The following MAML2 variants were observed in gnomAD, a reference collection of about 807,000 sequenced individuals.
The protein encoded by MAML2 is mastermind-like protein 2.
MAML2 carries 22 observed loss-of-function variants against 96.1 expected under a neutral mutation model. The ratio of observed to expected loss-of-function variants is 0.23; its 90% confidence interval spans 0.16 to 0.33. MAML2 has a LOEUF of 0.33. MAML2 is among the 10% of genes least tolerant of loss of function. The probability of loss-of-function intolerance (pLI) is 1.00; values close to 1 mark genes in which losing one functional copy is unlikely to be tolerated. For synonymous variants in MAML2, 561 were observed against 521.3 expected, an observed-to-expected ratio of 1.08 and a Z score of -1.04; for missense variants, 1,367 against 1,392.4, an observed-to-expected ratio of 0.98 and a Z score of 0.29.
At chr11:96,281,648 G>A (rs979297050) in intron 1 of MAML2, among the ~76,000 whole-genome samples, 3 of 151,770 alleles carry the variant, frequency 2.0e-5, no homozygotes, top group African/African-American at 7.3e-5. Context: ...AAGTAGAGGG[G>A]ATCACCAGTT....
chr11:96,140,138 T>G (rs1419108017), intron 1 of MAML2, among the ~76,000 whole-genome samples: 1 of 152,226 alleles, frequency 6.6e-6, no homozygotes, highest in Non-Finnish European at 1.5e-5. Context: ...GCTTTTGTTT[T>G]GTTATTAGTG....
chr11:96,037,666 A>G (rs1445057408), intron 2 of MAML2, among the ~76,000 whole-genome samples: 1 of 152,204 alleles, frequency 6.6e-6, no homozygotes, highest in Admixed American at 6.5e-5. Flanking sequence ...AACCAAAAAC[A>G]CACAGGTTAG....
chr11:96,285,167 A>T (rs76774403), intron 1 of MAML2, among the ~76,000 whole-genome samples: 3,018 of 152,302 alleles, frequency 0.02, 39 homozygotes, highest in African/African-American at 0.021. Context: ...CTCTTAACAG[A>T]TATATGAAAC....
At chr11:96,130,347 A>G (rs940190201) in intron 1 of MAML2, among the ~76,000 whole-genome samples, 2 of 152,222 alleles carry the variant, frequency 1.3e-5, no homozygotes, top group Non-Finnish European at 2.9e-5. Context: ...CAAGAAGGAT[A>G]TGTGATACTT....
chr11:96,037,061 G>A (rs901640292), intron 2 of MAML2, among the ~76,000 whole-genome samples: 3 of 152,128 alleles, frequency 2.0e-5, no homozygotes, highest in Non-Finnish European at 4.4e-5. Context: ...GGGAGCCAAC[G>A]CACCTGGGCT....
At chr11:96,338,322 T>C (rs1565288189) in intron 1 of MAML2, among the ~76,000 whole-genome samples, 1 of 152,260 alleles carries the variant, frequency 6.6e-6, no homozygotes, top group African/African-American at 2.4e-5. Flanking sequence ...AAGGCCCTGT[T>C]CCTGCAGACT....
At chr11:96,262,063 A>G (rs565559304) in intron 1 of MAML2, among the ~76,000 whole-genome samples, 5 of 152,344 alleles carry the variant, frequency 3.3e-5, no homozygotes, top group African/African-American at 7.2e-5. Flanking sequence ...GTCCCAACCA[A>G]CATCTACTGA....
chr11:96,221,754 T>C (rs1485563033), intron 1 of MAML2, among the ~76,000 whole-genome samples: 2 of 146,870 alleles, frequency 1.4e-5, no homozygotes, highest in African/African-American at 5.0e-5. Context: ...ATTTCCAAGC[T>C]CTCAGAGTAC....
chr11:96,204,532 A>G (rs764562556), intron 1 of MAML2, among the ~76,000 whole-genome samples: 15 of 152,226 alleles, frequency 9.9e-5, no homozygotes, highest in African/African-American at 1.4e-4. Flanking sequence ...TACCAGTAAG[A>G]TCAGGTTAAT....
chr11:96,129,707 T>C (rs540974467), intron 1 of MAML2, among the ~76,000 whole-genome samples: 1 of 152,314 alleles, frequency 6.6e-6, no homozygotes, highest in South Asian at 2.1e-4. Context: ...AGGTTCAGCT[T>C]CTCTTGATCC....
intron 2 of MAML2, among the ~76,000 whole-genome samples, chr11:95,996,618 A>T (rs1857993715): frequency 6.6e-6 from 1 of 152,156 alleles, no homozygotes; most frequent in Non-Finnish European, 1.5e-5. Flanking sequence ...CCATGTACCT[A>T]CTATATACAT....
At chr11:96,252,552 A>C (rs1176689647) in intron 1 of MAML2, among the ~76,000 whole-genome samples, 2 of 151,066 alleles carry the variant, frequency 1.3e-5, no homozygotes, top group Non-Finnish European at 2.9e-5. Context: ...CAGCCTCCCA[A>C]GTAGCTGGGA....
At chr11:96,160,467 A>G (rs2508764) in intron 1 of MAML2, among the ~76,000 whole-genome samples, 126,617 of 150,014 alleles carry the variant, frequency 0.84, 53,860 homozygotes, top group East Asian at 0.97. Context: ...TTACTCTGTC[A>G]CCCAGGCTGG....
chr11:96,007,685 C>T (rs944806617), intron 2 of MAML2, among the ~76,000 whole-genome samples: 10 of 151,834 alleles, frequency 6.6e-5, no homozygotes, highest in African/African-American at 2.4e-4. Flanking sequence ...TAAATAATTA[C>T]TTGAAAATCA....
intron 1 of MAML2, among the ~76,000 whole-genome samples, chr11:96,235,261 C>G (rs1210135067): frequency 6.6e-6 from 1 of 152,038 alleles, no homozygotes; most frequent in African/African-American, 2.4e-5. Flanking sequence ...GGCCTGCAGG[C>G]TGTTTTTGTA....
At chr11:96,097,604 T>C (rs1257760876) in intron 1 of MAML2, among the ~76,000 whole-genome samples, 1 of 152,160 alleles carries the variant, frequency 6.6e-6, no homozygotes, top group Non-Finnish European at 1.5e-5. Flanking sequence ...CTCACAACAG[T>C]TATAGAACAG....
At chr11:96,309,118 C>T (rs1863503640) in intron 1 of MAML2, among the ~76,000 whole-genome samples, 1 of 152,150 alleles carries the variant, frequency 6.6e-6, no homozygotes, top group South Asian at 2.1e-4. Flanking sequence ...TGTCTTTTGT[C>T]TTGAAAGTTC....
chr11:96,254,876 A>G (rs1306507211), intron 1 of MAML2, among the ~76,000 whole-genome samples: 3 of 152,142 alleles, frequency 2.0e-5, no homozygotes, highest in Admixed American at 2.0e-4. Context: ...GCTGGAGTGC[A>G]TGGCGCAATC....
chr11:96,076,530 C>T (rs1242049342), intron 2 of MAML2, among the ~76,000 whole-genome samples: 2 of 151,970 alleles, frequency 1.3e-5, no homozygotes, highest in East Asian at 3.9e-4. Context: ...CTCGGATGGG[C>T]TGTGGTCCCT....
Sources: gnomAD v4.1 joint callset for allele counts (sites outside exome capture counted in the v4.1 genomes callset) on GRCh38, gnomAD v4.1.1 for gene constraint, MANE v1.5 for transcripts, NCBI Gene and HGNC (gene_info 2026-07-23, HGNC 2026-07-21) for gene names.